The following GAREM1 variants were observed in gnomAD, a reference collection of about 807,000 sequenced individuals.
The protein encoded by GAREM1 is GRB2-associated and regulator of MAPK protein 1.
GAREM1 carries 26 observed loss-of-function variants against 71.3 expected under a neutral mutation model. That is an observed-to-expected ratio of 0.36 (90% CI 0.27 to 0.51). The LOEUF (loss-of-function observed/expected upper bound fraction) is 0.51. GAREM1 is among the 20% of genes least tolerant of loss of function. GAREM1 has a pLI of 0.95. For missense variants in GAREM1, 1,026 were observed against 1,103.1 expected (o/e 0.93, Z 0.99); for synonymous variants, 440 against 433.2 (o/e 1.02, Z -0.20).
chr18:32,354,056 A>T (rs1245380947), intron 2 of GAREM1, among the ~76,000 whole-genome samples: 1 of 152,188 alleles, frequency 6.6e-6, no homozygotes, highest in African/African-American at 2.4e-5. Flanking sequence ...AACATACATA[A>T]ATAATTTTGA....
At chr18:32,341,757 A>G (rs2047650049) in intron 2 of GAREM1, among the ~76,000 whole-genome samples, 1 of 152,150 alleles carries the variant, frequency 6.6e-6, no homozygotes, top group African/African-American at 2.4e-5. Flanking sequence ...GGTGGAATGG[A>G]GAGGAGATAC....
intron 4 of GAREM1, among the ~76,000 whole-genome samples, chr18:32,281,470 C>T (rs556607116): frequency 8.5e-5 from 13 of 152,272 alleles, no homozygotes; most frequent in African/African-American, 3.1e-4. Flanking sequence ...TGTTACCAAC[C>T]CATCTTAAAA....
intron 1 of GAREM1, among the ~76,000 whole-genome samples, chr18:32,399,566 T>C: frequency 6.6e-6 from 1 of 152,086 alleles, no homozygotes; most frequent in South Asian, 2.1e-4. Flanking sequence ...TGAACACCCA[T>C]TCACAATTGC....
At chr18:32,298,576 A>G (rs1292923602) in intron 3 of GAREM1, among the ~76,000 whole-genome samples, 1 of 152,202 alleles carries the variant, frequency 6.6e-6, no homozygotes, top group Non-Finnish European at 1.5e-5. Context: ...TTTACCGCTC[A>G]TAATACCACT....
chr18:32,280,318 C>T (rs191858118), intron 4 of GAREM1, among the ~76,000 whole-genome samples: 126 of 152,306 alleles, frequency 8.3e-4, no homozygotes, highest in Non-Finnish European at 1.5e-3. Flanking sequence ...TGGGCAGTCA[C>T]GTGAGGCCCC....
At chr18:32,302,131 A>G (rs556155136) in intron 3 of GAREM1, among the ~76,000 whole-genome samples, 1 of 152,336 alleles carries the variant, frequency 6.6e-6, no homozygotes, top group South Asian at 2.1e-4. Context: ...ATCCATAAAT[A>G]GAGTGTGATG....
At chr18:32,370,386 G>A (rs1363352187) in intron 2 of GAREM1, among the ~76,000 whole-genome samples, 6 of 144,222 alleles carry the variant, frequency 4.2e-5, no homozygotes, top group South Asian at 2.2e-4. Flanking sequence ...TGAGATCACC[G>A]CACTCCAGCC....
intron 1 of GAREM1, among the ~76,000 whole-genome samples, chr18:32,405,285 G>A (rs534964977): frequency 6.6e-6 from 1 of 151,838 alleles, no homozygotes; most frequent in African/African-American, 2.4e-5. Context: ...TGCAACCTCC[G>A]CCTCCCGGGT....
intron 1 of GAREM1, among the ~76,000 whole-genome samples, chr18:32,469,381 G>T (rs1353458755): frequency 2.6e-5 from 4 of 152,120 alleles, no homozygotes; most frequent in Admixed American, 6.5e-5. Context: ...CCCCACAGCA[G>T]GGCAGGCTTC....
chr18:32,468,856 A>G (rs2049022300), intron 1 of GAREM1, among the ~76,000 whole-genome samples: 3 of 152,192 alleles, frequency 2.0e-5, no homozygotes, highest in Middle Eastern at 3.4e-3. Context: ...AACGCTGTGA[A>G]TACAAACACA....
In GAREM1 at chr18:32,327,777, A is replaced by G. The variant is rs551595379; in HGVS notation, c.263-17454T>C. ...CAATGTGAGTAGTGGACAAGAGCCC[A>G]GCTTTGGAGTGGACAGACAAGTTTG... On this transcript the variant is annotated intron_variant, in intron 2 of 5. Coordinates refer to ENST00000269209, the MANE Select transcript of GAREM1 (RefSeq NM_001242409.2). Among the ~76,000 whole-genome samples, 192 of 152,340 alleles carry G rather than the reference A, an allele frequency of 1.3e-3. 1 individual carries two copies. The highest frequency in any genetic ancestry group is 2.1e-3 in the Non-Finnish European group (143 of 68,036).
At chr18:32,310,821 A>G (rs1444712217) in intron 2 of GAREM1, among the ~76,000 whole-genome samples, 2 of 151,960 alleles carry the variant, frequency 1.3e-5, no homozygotes, top group South Asian at 4.2e-4. Flanking sequence ...CCTGGCTTTC[A>G]CATAACTCAT....
Position 32,287,329 on chromosome 18 carries a change from T to C in GAREM1, c.1268A>G (p.Tyr423Cys), listed in dbSNP as rs774706402. Residue 423 changes from tyrosine (Y) to cysteine (C), a missense_variant, in exon 4 of 6, where the codon TAT becomes TGT. By Grantham distance (194) the Tyr-to-Cys change is radical (BLOSUM62 -2). Around this residue, in one of 3 missense-constraint regions of GAREM1, gnomAD observed 636 missense variants for 631.2 expected, o/e 1.01. Transcript: ENST00000269209. This position sits in a 1 kb window ranked among gnomAD's most constrained non-coding sequence, Gnocchi z 5.9. ...WAPFPHDILP[Y>C]QDSGDSGSDY... Reference sequence around the variant, plus strand: ...GCTCCCACTATCTCCAGAGTCCTGATAGGGCAGGATGTCATGAGGAAAGGG... The same window carrying C: ...GCTCCCACTATCTCCAGAGTCCTGACAGGGCAGGATGTCATGAGGAAAGGG... The C allele has an allele frequency of 3.1e-6, 5 of 1,614,180 alleles. No homozygotes were observed. The highest frequency in any genetic ancestry group is 4.2e-6 in the Non-Finnish European group (5 of 1,180,028).
chr18:32,379,596 C>A, intron 2 of GAREM1, among the ~76,000 whole-genome samples: 1 of 150,136 alleles, frequency 6.7e-6, no homozygotes, highest in Non-Finnish European at 1.5e-5. Context: ...CCCAGCTACT[C>A]AGGAGGCTGA....
intron 1 of GAREM1, among the ~76,000 whole-genome samples, chr18:32,396,594 G>T (rs534493196): frequency 2.1e-4 from 32 of 152,278 alleles, no homozygotes; most frequent in African/African-American, 7.7e-4. Context: ...AGCGAGAAGA[G>T]AAGTTTAGAG....
chr18:32,282,543 T>C (rs1437425396), intron 4 of GAREM1, among the ~76,000 whole-genome samples: 1 of 152,184 alleles, frequency 6.6e-6, no homozygotes, highest in Non-Finnish European at 1.5e-5. Context: ...TGTTTGTTTG[T>C]TTGTTTTTCT....
At chr18:32,391,511 G>A (rs142623007) in intron 2 of GAREM1, among the ~76,000 whole-genome samples, 3 of 152,260 alleles carry the variant, frequency 2.0e-5, no homozygotes, top group East Asian at 1.9e-4. Context: ...CAGCAGATTA[G>A]GTAAAAGTAT....
At chr18:32,344,409 G>A (rs1486078201) in intron 2 of GAREM1, among the ~76,000 whole-genome samples, 1 of 152,178 alleles carries the variant, frequency 6.6e-6, no homozygotes, top group African/African-American at 2.4e-5. Flanking sequence ...AAGAGCCAAT[G>A]TGGACAACTG....
In GAREM1 at chr18:32,287,397, C is replaced by T. The variant is rs754263156; in HGVS notation, c.1200G>A (p.Glu400=). 4.3e-6 allele frequency: 7 copies of T among 1,614,198 alleles called. No homozygotes were observed. Among genetic ancestry groups the T allele is most frequent in the South Asian group, 3.3e-5 (3 of 91,082 alleles). ...GGTCCCTGCAACCATGAAGGTTCAC[C>T]TCACTGTTGCCATGGAGATTGTTGC... ...VYGNNLHGNS[E]VNLHGCRDLG... The change falls in exon 4 of 6, where the codon GAG becomes GAA. Residue 400 remains glutamate (E), a synonymous_variant. Coordinates refer to ENST00000269209, the MANE Select transcript of GAREM1 (RefSeq NM_001242409.2). The surrounding 1 kb of genome is among the most constrained non-coding windows in gnomAD (Gnocchi z 5.9).
Sources: gnomAD v4.1 joint callset for allele counts (sites outside exome capture counted in the v4.1 genomes callset) on GRCh38, gnomAD v4.1.1 for gene constraint, gnomAD v4.1.1 regional missense constraint, Gnocchi (gnomAD v3.1) non-coding constraint, MANE v1.5 for transcripts, NCBI Gene and HGNC (gene_info 2026-07-23, HGNC 2026-07-21) for gene names.